Variants in SCHIP1 observed in about 807,000 individuals in gnomAD.
SCHIP1 encodes schwannomin interacting protein 1.
Under a neutral mutation model 29.7 loss-of-function variants are expected in SCHIP1, and 8 were observed. The observed-to-expected ratio is 0.27, with a 90% CI of 0.16 to 0.49. The LOEUF (loss-of-function observed/expected upper bound fraction) is 0.49, where lower values mean the gene tolerates loss of function less well. Among genes scored for constraint, SCHIP1 ranks in the 20% least tolerant of loss-of-function variants. The pLI is 0.99. For missense variants in SCHIP1, 193 were observed against 294.6 expected (o/e 0.66, Z 2.52); for synonymous variants, 76 against 94.9 (o/e 0.80, Z 1.16).
At chr3:159,728,041 G>A in the SCHIP1 span, among the ~76,000 whole-genome samples, 1 of 149,616 alleles carries the variant, frequency 6.7e-6, no homozygotes, top group African/African-American at 2.5e-5. Context: ...TAATTTAAGA[G>A]TAACTTTAAT....
the SCHIP1 span, among the ~76,000 whole-genome samples, chr3:159,357,908 G>C: frequency 2.6e-5 from 4 of 152,202 alleles, no homozygotes; most frequent in Non-Finnish European, 5.9e-5. Context: ...CATGAGGGAT[G>C]ATATACAGAA....
At chr3:159,425,415 TA>T in the SCHIP1 span, among the ~76,000 whole-genome samples, 2 of 151,192 alleles carry the variant, frequency 1.3e-5, no homozygotes, top group African/African-American at 4.9e-5. Context: ...AAACAGACTT[TA>T]AACCAACAAA....
At chr3:159,727,979 T>C in the SCHIP1 span, among the ~76,000 whole-genome samples, 2 of 151,302 alleles carry the variant, frequency 1.3e-5, no homozygotes, top group African/African-American at 4.9e-5. Flanking sequence ...CATGGCATCA[T>C]CAAATTTTAA....
chr3:159,568,377 G>T, the SCHIP1 span, among the ~76,000 whole-genome samples: 1 of 151,996 alleles, frequency 6.6e-6, no homozygotes, highest in African/African-American at 2.4e-5. Flanking sequence ...TAAAGGGAAT[G>T]TCTAACATTT....
intron 6 of SCHIP1, chr3:159,894,507 C>G (rs1717865413): frequency 6.6e-6 from 1 of 152,140 alleles, no homozygotes; most frequent in South Asian, 2.1e-4. Flanking sequence ...GTGTTAAGAC[C>G]TTCTCCTCAG....
At chr3:159,293,361 G>T in the SCHIP1 span, among the ~76,000 whole-genome samples, 1 of 152,212 alleles carries the variant, frequency 6.6e-6, no homozygotes, top group Admixed American at 6.5e-5. Context: ...GCTGGTCAGC[G>T]CAAGGAAAAG....
chr3:159,356,996 A>G, the SCHIP1 span, among the ~76,000 whole-genome samples: 1 of 152,220 alleles, frequency 6.6e-6, no homozygotes, highest in South Asian at 2.1e-4. Context: ...AATCCGAACA[A>G]CCAACCTAGT....
the SCHIP1 span, among the ~76,000 whole-genome samples, chr3:159,579,083 C>T: frequency 1.3e-5 from 2 of 152,048 alleles, no homozygotes; most frequent in Non-Finnish European, 2.9e-5. Context: ...CAAATGGAGT[C>T]AGGAATATGA....
chr3:159,276,133 T>A, the SCHIP1 span, among the ~76,000 whole-genome samples: 1 of 152,144 alleles, frequency 6.6e-6, no homozygotes, highest in Non-Finnish European at 1.5e-5. Context: ...GAAAGATTAG[T>A]TCATCTTGGA....
At chr3:159,471,058 A>T in the SCHIP1 span, among the ~76,000 whole-genome samples, 1 of 152,050 alleles carries the variant, frequency 6.6e-6, no homozygotes, top group Admixed American at 6.6e-5. Context: ...ATGATTCTGT[A>T]AGTTTGTCCT....
chr3:159,488,140 C>G, the SCHIP1 span, among the ~76,000 whole-genome samples: 1 of 151,816 alleles, frequency 6.6e-6, no homozygotes, highest in East Asian at 1.9e-4. Context: ...AGCAAAAAAT[C>G]GAAACAAATG....
the SCHIP1 span, among the ~76,000 whole-genome samples, chr3:159,437,712 C>A: frequency 1.3e-5 from 2 of 152,148 alleles, no homozygotes; most frequent in East Asian, 3.9e-4. Flanking sequence ...GCACAGTAAG[C>A]TGGATTCTTG....
the SCHIP1 span, among the ~76,000 whole-genome samples, chr3:159,571,861 G>T: frequency 6.6e-6 from 1 of 152,318 alleles, no homozygotes; most frequent in Admixed American, 6.5e-5. Flanking sequence ...CTGGTAGGGT[G>T]TATGTGTCGA....
chr3:159,443,796 C>T, the SCHIP1 span, among the ~76,000 whole-genome samples: 5 of 152,180 alleles, frequency 3.3e-5, no homozygotes, highest in African/African-American at 7.2e-5. Context: ...CATGAGCCAT[C>T]GCACCCAGCC....
intron 1 of SCHIP1, among the ~76,000 whole-genome samples, chr3:159,855,702 G>A (rs1338854744): frequency 6.6e-6 from 1 of 151,872 alleles, no homozygotes; most frequent in East Asian, 1.9e-4. Flanking sequence ...ACCCCATTTT[G>A]AGGTCAATTG....
chr3:159,714,380 C>T, the SCHIP1 span, among the ~76,000 whole-genome samples: 13 of 152,290 alleles, frequency 8.5e-5, 1 homozygote, highest in South Asian at 2.3e-3. Context: ...TGGGGCTTGT[C>T]GGACAGTGGG....
chr3:159,756,322 G>A, the SCHIP1 span, among the ~76,000 whole-genome samples: 9 of 152,300 alleles, frequency 5.9e-5, no homozygotes, highest in South Asian at 4.2e-4. Flanking sequence ...TCAACACCAC[G>A]TGGAAGCTGC....
chr3:159,752,280 G>A, the SCHIP1 span, among the ~76,000 whole-genome samples: 1 of 152,022 alleles, frequency 6.6e-6, no homozygotes, highest in East Asian at 1.9e-4. Flanking sequence ...AGATACAAAG[G>A]TAAGAAATCA....
chr3:159,788,226 T>C, the SCHIP1 span, among the ~76,000 whole-genome samples: 1 of 152,172 alleles, frequency 6.6e-6, no homozygotes, highest in Non-Finnish European at 1.5e-5. Context: ...GATTAAGGTA[T>C]TGGGGCTGAC....
Sources: gnomAD v4.1 joint callset for allele counts (sites outside exome capture counted in the v4.1 genomes callset) on GRCh38, gnomAD v4.1.1 for gene constraint, MANE v1.5 for transcripts, NCBI Gene and HGNC (gene_info 2026-07-23, HGNC 2026-07-21) for gene names.